PKIB: variants seen among roughly 807,000 people sequenced by gnomAD.
PKIB encodes the protein PKI-beta.
Under a neutral mutation model 4.5 loss-of-function variants are expected in PKIB, and 2 were observed. The ratio of observed to expected loss-of-function variants is 0.44; its 90% CI spans 0.18 to 1.39. The LOEUF (loss-of-function observed/expected upper bound fraction) is 1.39, where lower values mean the gene tolerates loss of function less well. Among genes scored for constraint, PKIB ranks in the 40% most tolerant of loss-of-function variants. The pLI is 0.27. For missense variants in PKIB, 94 were observed against 92.6 expected, an observed-to-expected ratio of 1.02 and a Z score of -0.06; for synonymous variants, 38 against 36.0, an observed-to-expected ratio of 1.06 and a Z score of -0.20.
intron 2 of PKIB, among the ~76,000 whole-genome samples, chr6:122,553,588 G>A (rs941417680): frequency 4.8e-5 from 7 of 146,736 alleles, no homozygotes; most frequent in Non-Finnish European, 1.0e-4. Flanking sequence ...GCCATCCATA[G>A]GTCTGTCTCC....
At chr6:122,576,581 T>G (rs34824148) in intron 2 of PKIB, among the ~76,000 whole-genome samples, 8 of 143,396 alleles carry the variant, frequency 5.6e-5, no homozygotes, top group Non-Finnish European at 1.0e-4. Flanking sequence ...GGCAGGAGAA[T>G]GGCGTGAACC....
At chr6:122,569,907 C>G (rs188185243) in intron 2 of PKIB, among the ~76,000 whole-genome samples, 1 of 152,308 alleles carries the variant, frequency 6.6e-6, no homozygotes, top group Non-Finnish European at 1.5e-5. Context: ...TGCTCTGAAC[C>G]TCTATCCCAA....
intron 2 of PKIB, among the ~76,000 whole-genome samples, chr6:122,545,001 A>C (rs1772447354): frequency 6.6e-6 from 1 of 152,084 alleles, no homozygotes; most frequent in Non-Finnish European, 1.5e-5. Context: ...AGATGCTAGC[A>C]AGGTTGCAGA....
At chr6:122,718,080 T>C (rs1332097715) in intron 4 of PKIB, 117 bp downstream of exon 4, 1 of 1,046,858 alleles carries the variant, frequency 9.6e-7, no homozygotes, top group Non-Finnish European at 1.4e-6. Context: ...ATTTGTTTAC[T>C]TAAACCTCTC....
chr6:122,619,316 C>A (rs1338575815), intron 1 of PKIB, among the ~76,000 whole-genome samples: 2 of 151,962 alleles, frequency 1.3e-5, no homozygotes, highest in Non-Finnish European at 2.9e-5. Flanking sequence ...GCTTTTAGTA[C>A]TTTTTACATC....
intron 2 of PKIB, among the ~76,000 whole-genome samples, chr6:122,519,341 T>C (rs1776864478): frequency 6.6e-6 from 1 of 152,186 alleles, no homozygotes; most frequent in Non-Finnish European, 1.5e-5. Context: ...ACTGATCCTA[T>C]ATTATGATGA....
At position 122,668,625 on chromosome 6, in the gene PKIB, A is replaced by T. The variant is rs537815000; in HGVS notation, c.-75-6453A>T. Among the ~76,000 whole-genome samples, 6 of 152,272 alleles carry T rather than the reference A, an allele frequency of 3.9e-5. No homozygotes were observed. The East Asian group carries it at 1.2e-3, about 29-fold the overall frequency. On this transcript the variant is annotated intron_variant, in intron 2 of 4. Transcript: ENST00000368452. ...AAATCTTCGGTCTGACTTCTCCCTA[A>T]AAAATGTCCTCCTGGTTGGATCAAC...
At chr6:122,511,230 C>T (rs1258480356) in intron 2 of PKIB, among the ~76,000 whole-genome samples, 3 of 152,122 alleles carry the variant, frequency 2.0e-5, no homozygotes, top group Non-Finnish European at 2.9e-5. Flanking sequence ...AACTCTTTCC[C>T]AATTTTTTAA....
chr6:122,630,117 G>T (rs2114816421), intron 1 of PKIB, among the ~76,000 whole-genome samples: 1 of 151,942 alleles, frequency 6.6e-6, no homozygotes, highest in East Asian at 1.9e-4. Flanking sequence ...CAAAACTATT[G>T]TAAAAAAATA....
chr6:122,606,562 ACT>A (rs1386493021), upstream of PKIB, among the ~76,000 whole-genome samples: 2 of 146,932 alleles, frequency 1.4e-5, no homozygotes, highest in South Asian at 2.2e-4. Context: ...ACAGAGTGAG[ACT>A]CTGTCTCAAA....
intron 2 of PKIB, among the ~76,000 whole-genome samples, chr6:122,562,138 TCG>T (rs1773055691): frequency 3.2e-5 from 1 of 31,234 alleles, no homozygotes; most frequent in African/African-American, 1.1e-4. Flanking sequence ...GCAGTTCTTG[TCG>T]TGGTGGCTTG....
At chr6:122,526,038 C>T (rs1777084215) in intron 2 of PKIB, among the ~76,000 whole-genome samples, 1 of 152,066 alleles carries the variant, frequency 6.6e-6, no homozygotes, top group Non-Finnish European at 1.5e-5. Context: ...GCATCTGCAC[C>T]AGGAATAGAC....
chr6:122,664,718 AT>A (rs201034592), intron 2 of PKIB, among the ~76,000 whole-genome samples: 9 of 152,000 alleles, frequency 5.9e-5, no homozygotes, highest in East Asian at 3.9e-4. Flanking sequence ...ATTTTTGTCA[AT>A]TTTTTTTGTT....
intron 2 of PKIB, among the ~76,000 whole-genome samples, chr6:122,520,049 T>C (rs1267977120): frequency 6.6e-6 from 1 of 152,258 alleles, no homozygotes. Context: ...AGTTATGTTA[T>C]AGTTATCCAT....
chr6:122,697,240 C>A (rs1020392326), intron 3 of PKIB, among the ~76,000 whole-genome samples: 2 of 151,974 alleles, frequency 1.3e-5, no homozygotes, highest in Non-Finnish European at 2.9e-5. Flanking sequence ...GCCTGGTCCC[C>A]TTCATAAGGA....
rs1039969740 is a variant in PKIB, at chr6:122,627,200, G to A, written c.-160-6083G>A. Among the ~76,000 whole-genome samples, 5 of 150,782 alleles carry A rather than the reference G, an allele frequency of 3.3e-5. No homozygotes were observed. The East Asian group carries it at 9.7e-4, about 29-fold the overall frequency. On this transcript the variant is annotated intron_variant, in intron 1 of 4. Transcript: ENST00000368452. ...GGAGCTTGCAGTGAGCCGAGATTGT[G>A]CCTACTGCACTCCAGCCTGGGCGAC...
intron 3 of PKIB, among the ~76,000 whole-genome samples, chr6:122,687,239 T>A (rs1778130533): frequency 1.3e-5 from 2 of 152,194 alleles, no homozygotes; most frequent in Non-Finnish European, 1.5e-5. Context: ...TTCCTTAGTA[T>A]ATGTTCTTGG....
intron 3 of PKIB, among the ~76,000 whole-genome samples, chr6:122,602,815 G>T (rs1359015743): frequency 6.6e-6 from 1 of 151,876 alleles, no homozygotes; most frequent in Non-Finnish European, 1.5e-5. Flanking sequence ...AATTAGCCGG[G>T]TGTGGTGGTG....
intron 2 of PKIB, among the ~76,000 whole-genome samples, chr6:122,648,245 G>T (rs1776403221): frequency 6.6e-6 from 1 of 152,194 alleles, no homozygotes; most frequent in Non-Finnish European, 1.5e-5. Flanking sequence ...ACAGCATAAG[G>T]TTGTGGGGAC....
Sources: gnomAD v4.1 joint callset for allele counts (sites outside exome capture counted in the v4.1 genomes callset) on GRCh38, gnomAD v4.1.1 for gene constraint, MANE v1.5 for transcripts, NCBI Gene and HGNC (gene_info 2026-07-23, HGNC 2026-07-21) for gene names.